HERC1: variants seen among roughly 807,000 people sequenced by gnomAD.
HERC1 encodes the protein probable E3 ubiquitin-protein ligase HERC1.
In HERC1, 160 loss-of-function variants were observed where a neutral mutation model predicts 554.3. The observed-to-expected ratio is 0.29, with a 90% CI of 0.25 to 0.33. HERC1 has a LOEUF of 0.33. Among genes scored for constraint, HERC1 ranks in the 10% least tolerant of loss-of-function variants. HERC1 has a pLI of 1.00. For synonymous variants in HERC1, 2,175 were observed against 2,131.7 expected (o/e 1.02, Z -0.56); for missense variants, 4,919 against 5,918.5 (o/e 0.83, Z 5.54).
rs960571107 is a variant in HERC1 at position 63,734,559 on chromosome 15, T to G, written c.2646+165A>C. On this transcript the variant is annotated intron_variant, in intron 13 of 77. Coordinates refer to ENST00000443617, the MANE Select transcript of HERC1 (RefSeq NM_003922.4). The surrounding 1 kb of genome is among the most constrained non-coding windows in gnomAD (Gnocchi z 4.6). The stretch of plus-strand genomic sequence containing the variant: ...AATAACTTAATAAATTATCACTTGC[T>G]TCACCTAAGGTTGTTAAGACAACTG... 10 of 470,220 alleles carry G rather than the reference T, an allele frequency of 2.1e-5. No homozygotes were observed. Among genetic ancestry groups the G allele is most frequent in the Non-Finnish European group, 3.7e-5 (10 of 271,622 alleles). The allele number at this position is 470,220 out of a possible 1,614,324, so 29.1% of individuals were successfully genotyped here.
intron 71 of HERC1, 22 bp from the exon 72 acceptor site, chr15:63,624,349 T>C (rs760059719): frequency 1.9e-6 from 3 of 1,560,638 alleles, no homozygotes; most frequent in South Asian, 1.2e-5. Flanking sequence ...GGTACGGTTA[T>C]CAGAAATGGT....
chr15:63,825,192 T>C (rs977550877), intron 1 of HERC1, among the ~76,000 whole-genome samples: 2 of 151,974 alleles, frequency 1.3e-5, no homozygotes, highest in African/African-American at 4.8e-5. Flanking sequence ...ACCCAGCTAC[T>C]CCAATGGCTA....
Position 63,694,413 on chromosome 15 carries a change from T to C in HERC1, c.5379A>G (p.Gly1793=). The C allele has an allele frequency of 6.2e-7, 1 of 1,613,978 alleles. No homozygotes were observed. Among genetic ancestry groups the C allele is most frequent in the Non-Finnish European group, 8.5e-7 (1 of 1,179,882 alleles). The change falls in exon 29 of 78, where the codon GGA becomes GGG. Residue 1793 remains glycine (G), a synonymous_variant. Transcript: ENST00000443617. The surrounding 1 kb of genome is among the most constrained non-coding windows in gnomAD (Gnocchi z 4.3). ...SQLCGTDTML[G]QPLQLLPKTG... ...TCTTTGGCAACAACTGCAGGGGCTG[T>C]CCTAGCATGGTGTCTGTACCACACA...
chr15:63,615,905 A>C lies in HERC1; in HGVS notation c.13957T>G (p.Ser4653Ala). ...ESFHEMIPLD[S>A]FVGQSADGKM... ...CCATCAGCACTCTGGCCAACAAAAG[A>C]ATCAAGAGGAATCATCTAGGAACAG... The change falls in exon 76 of 78, where the codon TCT (serine) becomes GCT (alanine). Residue 4653 changes from serine (S) to alanine (A), a missense_variant. Ser to Ala is a moderately conservative substitution (Grantham distance 99). Coordinates refer to ENST00000443617, the MANE Select transcript of HERC1 (RefSeq NM_003922.4). 1 of 1,591,850 alleles carries C rather than the reference A, an allele frequency of 6.3e-7. No homozygotes were observed. The highest frequency in any genetic ancestry group is 1.8e-5 in the Admixed American group (1 of 55,074).
At chr15:63,776,169 C>T (rs2076108675) in intron 1 of HERC1, among the ~76,000 whole-genome samples, 1 of 152,102 alleles carries the variant, frequency 6.6e-6, no homozygotes, top group Admixed American at 6.5e-5. Flanking sequence ...TTATCTCCAA[C>T]CCAGGCCTTC....
chr15:63,660,461 G>A (rs1221767866), intron 46 of HERC1, among the ~76,000 whole-genome samples: 9 of 152,200 alleles, frequency 5.9e-5, no homozygotes, highest in Non-Finnish European at 8.8e-5. Flanking sequence ...GCATAAGTGA[G>A]ACTCTCAGGG....
chr15:63,748,882 G>A (rs755933461), intron 10 of HERC1, among the ~76,000 whole-genome samples: 7 of 151,110 alleles, frequency 4.6e-5, no homozygotes, highest in African/African-American at 9.7e-5. Context: ...GACTAAACAC[G>A]TACAGTTAGC....
intron 1 of HERC1, chr15:63,779,637 T>C (rs2076221199): frequency 6.6e-6 from 1 of 152,228 alleles, no homozygotes; most frequent in African/African-American, 2.4e-5. Context: ...ACTTGTCTAT[T>C]CTTACAACAG....
chr15:63,781,303 A>T (rs1283519894), intron 1 of HERC1, among the ~76,000 whole-genome samples: 4 of 152,214 alleles, frequency 2.6e-5, no homozygotes, highest in Non-Finnish European at 5.9e-5. Context: ...CTTTTTTACA[A>T]ATTGAAGGTT....
chr15:63,654,826 G>A (rs929898753), intron 50 of HERC1, among the ~76,000 whole-genome samples: 5 of 150,690 alleles, frequency 3.3e-5, no homozygotes, highest in East Asian at 2.0e-4. Flanking sequence ...CCGAGACTGC[G>A]CCACTGTACT....
chr15:63,673,885 C>T (rs942144771), intron 38 of HERC1, among the ~76,000 whole-genome samples: 4 of 152,096 alleles, frequency 2.6e-5, no homozygotes, highest in East Asian at 1.9e-4. Flanking sequence ...CCATTATGCC[C>T]GGTTAATTTT....
At chr15:63,656,539 G>A (rs1406867438) in intron 48 of HERC1, among the ~76,000 whole-genome samples, 181 bp from the exon 49 acceptor site, 2 of 152,286 alleles carry the variant, frequency 1.3e-5, no homozygotes, top group East Asian at 1.9e-4. Flanking sequence ...GCATCTAAAC[G>A]TTCTCTCCTT....
chr15:63,809,849 T>C (rs1261892585), intron 1 of HERC1, among the ~76,000 whole-genome samples: 1 of 152,008 alleles, frequency 6.6e-6, no homozygotes, highest in Non-Finnish European at 1.5e-5. Flanking sequence ...TTTTGTTTTC[T>C]GCTTTTTTAA....
chr15:63,725,977 T>TG (rs1437217446), intron 17 of HERC1, among the ~76,000 whole-genome samples: 3 of 136,300 alleles, frequency 2.2e-5, no homozygotes, highest in Non-Finnish European at 4.7e-5. Context: ...TCTTTTTTTC[T>TG]GGGGGGCGGG....
chr15:63,766,643 A>G (rs142551158), intron 2 of HERC1, among the ~76,000 whole-genome samples: 258 of 152,370 alleles, frequency 1.7e-3, no homozygotes, highest in African/African-American at 5.9e-3. Flanking sequence ...AGAATTTTTT[A>G]AGTTTCGTAA....
Position 63,758,079 on chromosome 15 carries a change from T to C in HERC1, c.1221+96A>G. On this transcript the variant is annotated intron_variant, in intron 4 of 77. Coordinates refer to ENST00000443617, the MANE Select transcript of HERC1 (RefSeq NM_003922.4). The surrounding 1 kb of genome is among the most constrained non-coding windows in gnomAD (Gnocchi z 4.0). Reference sequence around the variant, plus strand: ...GACCAGAAATAACCATCGATAATTTTCACTCATTTAAAAAATACTCAGTAT... The same window carrying C: ...GACCAGAAATAACCATCGATAATTTCCACTCATTTAAAAAATACTCAGTAT... 1.2e-6 allele frequency: 1 copy of C among 853,920 alleles called. No individual in the cohort carries two copies. Among genetic ancestry groups the C allele is most frequent in the East Asian group, 2.5e-5 (1 of 39,674 alleles). The allele number at this position is 853,920 out of a possible 1,614,324, so 52.9% of individuals were successfully genotyped here. A position where few individuals can be genotyped will look rare whatever the true frequency, so the allele number is the denominator to read the frequency against.
At chr15:63,620,569 G>C (rs1274540795) in intron 74 of HERC1, among the ~76,000 whole-genome samples, 2 of 152,128 alleles carry the variant, frequency 1.3e-5, no homozygotes, top group Non-Finnish European at 2.9e-5. Context: ...CTATCTCGTT[G>C]ATCTGTCTAA....
At chr15:63,625,856 T>G in intron 71 of HERC1, 129 bp downstream of exon 71, 1 of 899,386 alleles carries the variant, frequency 1.1e-6, no homozygotes, top group Non-Finnish European at 1.8e-6. Context: ...GGAATAGAAG[T>G]GTTATCTTAT....
In HERC1 at chr15:63,644,853, A is replaced by G. The variant is rs142886526; in HGVS notation, c.11184+139T>C. 0.013 allele frequency: 7,938 copies of G among 627,236 alleles called. 75 individuals are homozygous for G. Among genetic ancestry groups the G allele is most frequent in the Non-Finnish European group, 0.018 (6,342 of 353,050 alleles). 38.9% of individuals were successfully genotyped at this position (627,236 alleles called of 1,614,324 possible). On this transcript the variant is annotated intron_variant, in intron 57 of 77. Transcript: ENST00000443617. ...TTATAAAAAATTAAGCTAATTCAGGATGACAATTACTTATATTTCCCAATG... is the reference window on the plus strand; with the variant it reads ...TTATAAAAAATTAAGCTAATTCAGGGTGACAATTACTTATATTTCCCAATG...
Sources: gnomAD v4.1 joint callset for allele counts (sites outside exome capture counted in the v4.1 genomes callset) on GRCh38, gnomAD v4.1.1 for gene constraint, Gnocchi (gnomAD v3.1) non-coding constraint, MANE v1.5 for transcripts, NCBI Gene and HGNC (gene_info 2026-07-23, HGNC 2026-07-21) for gene names.